Variants in SLC28A1 observed in about 807,000 individuals in gnomAD.
SLC28A1 encodes sodium/nucleoside cotransporter 1.
Under a neutral mutation model 74.8 loss-of-function variants are expected in SLC28A1, and 64 were observed. The ratio of observed to expected loss-of-function variants is 0.86; its 90% CI spans 0.70 to 1.05. The LOEUF is 1.05. Ranked by LOEUF, SLC28A1 falls within the 50% of genes least tolerant of loss-of-function variation. SLC28A1 has a pLI of 0.00. For missense variants in SLC28A1, 828 were observed against 822.8 expected (o/e 1.01, Z -0.08); for synonymous variants, 359 against 335.0 (o/e 1.07, Z -0.78).
chr15:84,915,006 G>A (rs1471044179), intron 9 of SLC28A1, among the ~76,000 whole-genome samples: 1 of 152,180 alleles, frequency 6.6e-6, no homozygotes, highest in Non-Finnish European at 1.5e-5. Context: ...GATGCCCCGG[G>A]CACTCTCCTT....
the SLC28A1 span, among the ~76,000 whole-genome samples, chr15:84,968,685 C>A: frequency 5.9e-5 from 9 of 152,240 alleles, no homozygotes; most frequent in African/African-American, 1.2e-4. Flanking sequence ...AGGCTGCTAC[C>A]ACAATGACCT....
rs781049274 is a variant in SLC28A1 at position 84,924,114 on chromosome 15, G to A, written c.1083+4G>A. On this transcript the variant is annotated splice_donor_region_variant and intron_variant, in intron 12 of 18. Coordinates refer to ENST00000394573, the MANE Select transcript of SLC28A1 (RefSeq NM_004213.5). ...GGGTGCCTACATCTCCTTTGGGGTA[G>A]GTAGAGCCCTCCTTCTGCTTGGCTA... 2 of 1,612,190 alleles carry A rather than the reference G, an allele frequency of 1.2e-6. No homozygotes were observed. The highest frequency in any genetic ancestry group is 1.7e-6 in the Non-Finnish European group (2 of 1,179,946).
chr15:84,927,790 C>T (rs1206754220), intron 12 of SLC28A1, among the ~76,000 whole-genome samples: 1 of 152,124 alleles, frequency 6.6e-6, no homozygotes, highest in East Asian at 1.9e-4. Context: ...TCTTCTGAGG[C>T]TACTTCTGAG....
intron 12 of SLC28A1, among the ~76,000 whole-genome samples, chr15:84,928,248 G>A (rs1482692669): frequency 6.6e-6 from 1 of 152,136 alleles, no homozygotes; most frequent in Admixed American, 6.5e-5. Context: ...ACAGTCTCTG[G>A]TTTGAAAGCC....
At chr15:84,899,694 C>A (rs922834923) in intron 6 of SLC28A1, among the ~76,000 whole-genome samples, 3 of 152,038 alleles carry the variant, frequency 2.0e-5, no homozygotes, top group Non-Finnish European at 4.4e-5. Context: ...TTCAGTCATA[C>A]AAAAGCTGAA....
intron 9 of SLC28A1, among the ~76,000 whole-genome samples, chr15:84,912,300 AC>A (rs990566045): frequency 3.3e-5 from 5 of 152,198 alleles, no homozygotes; most frequent in African/African-American, 1.2e-4. Flanking sequence ...TATGAATCAT[AC>A]AGACCTAGTC....
chr15:84,887,926 A>G (rs537195497), intron 3 of SLC28A1, 70 bp downstream of exon 3: 4 of 1,137,442 alleles, frequency 3.5e-6, no homozygotes, highest in Non-Finnish European at 5.4e-6. Flanking sequence ...TGCCGAGGTG[A>G]TGAGGCTTTT....
At chr15:84,900,098 C>G (rs1287034843) in intron 6 of SLC28A1, among the ~76,000 whole-genome samples, 1 of 152,014 alleles carries the variant, frequency 6.6e-6, no homozygotes, top group African/African-American at 2.4e-5. Context: ...GGACAGATCA[C>G]TTAAGCCCAG....
At chr15:84,966,031 G>A in the SLC28A1 span, among the ~76,000 whole-genome samples, 2 of 152,176 alleles carry the variant, frequency 1.3e-5, no homozygotes, top group Admixed American at 1.3e-4. Context: ...AGTGATCTGA[G>A]AGAAAAACAA....
chr15:84,967,200 G>A, the SLC28A1 span, among the ~76,000 whole-genome samples: 1 of 152,158 alleles, frequency 6.6e-6, no homozygotes, highest in Admixed American at 6.5e-5. Flanking sequence ...TTGGAGATCC[G>A]CTTTGTTACG....
At chr15:84,917,659 C>A (rs55779208) in intron 9 of SLC28A1, among the ~76,000 whole-genome samples, 14,689 of 152,130 alleles carry the variant, frequency 0.097, 1,446 homozygotes, top group East Asian at 0.52. Context: ...AACAACATAT[C>A]TTGGAAATCA....
At chr15:84,911,587 C>A (rs974200690) in intron 9 of SLC28A1, among the ~76,000 whole-genome samples, 12 of 151,674 alleles carry the variant, frequency 7.9e-5, no homozygotes, top group Admixed American at 7.2e-4. Flanking sequence ...TTAGGCTGGG[C>A]GTGGTGGCTC....
At chr15:84,949,959 T>A (rs537566750), downstream of SLC28A1, among the ~76,000 whole-genome samples, 2 of 152,252 alleles carry the variant, frequency 1.3e-5, no homozygotes, top group South Asian at 4.2e-4. Flanking sequence ...TGGAGGTTGC[T>A]TTCCATTTCC....
At chr15:84,951,280 G>A in the SLC28A1 span, among the ~76,000 whole-genome samples, 4 of 151,932 alleles carry the variant, frequency 2.6e-5, no homozygotes, top group South Asian at 2.1e-4. Context: ...AAACCCCTTC[G>A]AGAAAAATTA....
At chr15:84,889,693 T>TTCCTTCCTTCC (rs780878978) in intron 4 of SLC28A1, among the ~76,000 whole-genome samples, 26 of 26,276 alleles carry the variant, frequency 9.9e-4, no homozygotes, top group African/African-American at 2.7e-3. Flanking sequence ...TCCTTCCTTC[T>TTCCTTCCTTCC]TTCCTTCCTT....
chr15:84,928,321 C>T (rs936092709), intron 12 of SLC28A1, among the ~76,000 whole-genome samples: 14 of 152,002 alleles, frequency 9.2e-5, no homozygotes, highest in Admixed American at 2.6e-4. Flanking sequence ...TCCTTCCCTT[C>T]AATCTCTGGG....
the SLC28A1 span, among the ~76,000 whole-genome samples, chr15:84,957,255 GTTTGTTTGT>G: frequency 6.6e-6 from 1 of 151,932 alleles, no homozygotes; most frequent in Non-Finnish European, 1.5e-5. Context: ...GTAGTTTTTT[GTTTGTTTGT>G]TTTGTTTTGT....
At chr15:84,901,129 G>A (rs1346603243) in intron 6 of SLC28A1, among the ~76,000 whole-genome samples, 2 of 152,204 alleles carry the variant, frequency 1.3e-5, no homozygotes, top group African/African-American at 2.4e-5. Context: ...GGCTGAGGCA[G>A]AAGAATCGCT....
the SLC28A1 span, among the ~76,000 whole-genome samples, chr15:84,951,960 C>T: frequency 6.5e-3 from 992 of 152,310 alleles, 14 homozygotes; most frequent in African/African-American, 0.022. Context: ...GGGAGGCTCA[C>T]AGCAGTTTCC....
Sources: gnomAD v4.1 joint callset for allele counts (sites outside exome capture counted in the v4.1 genomes callset) on GRCh38, gnomAD v4.1.1 for gene constraint, MANE v1.5 for transcripts, NCBI Gene and HGNC (gene_info 2026-07-23, HGNC 2026-07-21) for gene names.